The following DEAF1 variants were observed in gnomAD, a reference collection of about 807,000 sequenced individuals.
DEAF1 encodes deformed epidermal autoregulatory factor 1 homolog.
DEAF1 carries 53 observed loss-of-function variants against 58.9 expected under a neutral mutation model. That is an observed-to-expected ratio of 0.90 (90% CI 0.72 to 1.13). The LOEUF is 1.13. Ranked by LOEUF, DEAF1 falls within the 50% of genes most tolerant of loss-of-function variation. The probability of loss-of-function intolerance (pLI) is 0.00; values close to 1 mark genes in which losing one functional copy is unlikely to be tolerated. For missense variants in DEAF1, 685 were observed against 791.4 expected (o/e 0.87, Z 1.61); for synonymous variants, 385 against 340.4 (o/e 1.13, Z -1.44).
chr11:658,790 C>A (rs1859186218), intron 10 of DEAF1, among the ~76,000 whole-genome samples: 1 of 152,256 alleles, frequency 6.6e-6, no homozygotes, highest in African/African-American at 2.4e-5. Flanking sequence ...CCTGGCCTGC[C>A]TTCCCTGCTG....
chr11:657,230 G>A (rs947446248), intron 10 of DEAF1, among the ~76,000 whole-genome samples: 33 of 152,190 alleles, frequency 2.2e-4, no homozygotes, highest in Non-Finnish European at 2.5e-4. Context: ...AAAAGGACCC[G>A]GGGCTCCTTG....
chr11:703,663 G>A, intron 1 of DEAF1: 1 of 1,232,498 alleles, frequency 8.1e-7, no homozygotes, highest in Non-Finnish European at 1.0e-6. Flanking sequence ...CTTGTGCTCT[G>A]AGCAACCCCA....
At position 674,732 on chromosome 11, in the gene DEAF1, G is replaced by A. The variant is rs762639219; in HGVS notation, c.1307C>T (p.Ala436Val). The change falls in exon 10 of 12, where the codon GCG becomes GTG. Residue 436 changes from alanine to valine, a missense_variant. Physicochemically the swap from Ala to Val is moderately conservative, Grantham distance 64. Around this residue, in one of 3 missense-constraint regions of DEAF1, gnomAD observed 343 missense variants for 379.8 expected, o/e 0.90. Transcript: ENST00000382409. The stretch of plus-strand genomic sequence containing the variant: ...CCCATTGACCAACGCGGGAGGTGCC[G>A]CTTTGGTGGGAGTCGGGGGTGGGAC... ...LAVPPPTPTKAAPPALVNGLE... is the reference protein window; with the variant it reads ...LAVPPPTPTKVAPPALVNGLE... The A allele has an allele frequency of 1.6e-5, 26 of 1,613,584 alleles. No homozygotes were observed. The highest frequency in any genetic ancestry group is 1.1e-4 in the African/African-American group (8 of 74,946).
At chr11:702,983 G>C (rs201982541) in intron 1 of DEAF1, 1 of 1,610,480 alleles carries the variant, frequency 6.2e-7, no homozygotes, top group Non-Finnish European at 8.5e-7. Flanking sequence ...GAGGCCGCTG[G>C]CCGCCAGCCT....
chr11:688,037 G>T lies in DEAF1; in HGVS notation c.538C>A (p.Pro180Thr), dbSNP rs754703046. The T allele has an allele frequency of 1.9e-6, 3 of 1,614,022 alleles. No homozygotes were observed. The South Asian group carries it at 3.3e-5, about 18-fold the overall frequency. ...LTPGPQSPPT[P>T]LAPGQEKGGT... ...CCTTTTTCTTGGCCGGGAGCCAGAG[G>T]GGTTGGAGGAGACTGAGGACCTTGG... is the stretch of plus-strand genomic sequence containing the variant. Residue 180 changes from proline (P) to threonine (T), a missense_variant, in exon 4 of 12, where the codon CCT becomes ACT. Around this residue, in one of 3 missense-constraint regions of DEAF1, gnomAD observed 132 missense variants for 234.3 expected, o/e 0.56. Transcript: ENST00000382409. This position sits in a 1 kb window ranked among gnomAD's most constrained non-coding sequence, Gnocchi z 4.3.
In DEAF1 at chr11:674,748, G is replaced by A. The variant is rs767471113; in HGVS notation, c.1291C>T (p.Pro431Ser). ...GGAGGTGCCGCTTTGGTGGGAGTCGGGGGTGGGACCGCCAGCGCAGGCAGG... is the reference window on the plus strand; with the variant it reads ...GGAGGTGCCGCTTTGGTGGGAGTCGAGGGTGGGACCGCCAGCGCAGGCAGG... ...TSLPALAVPP[P>S]TPTKAAPPAL... Residue 431 changes from proline (P) to serine (S), a missense_variant, in exon 10 of 12, where the codon CCG (proline) becomes TCG (serine). This residue lies in a region of DEAF1 where 343 missense variants were observed against 379.8 expected (regional missense o/e 0.90). Transcript: ENST00000382409. 2 of 1,613,388 alleles carry A rather than the reference G, an allele frequency of 1.2e-6. No individual in the cohort carries two copies. Among genetic ancestry groups the A allele is most frequent in the Non-Finnish European group, 1.7e-6 (2 of 1,180,030 alleles).
At chr11:694,661 G>A in intron 1 of DEAF1, 98 bp downstream of exon 1, 1 of 1,144,370 alleles carries the variant, frequency 8.7e-7, no homozygotes, top group Non-Finnish European at 1.1e-6. Flanking sequence ...TGAGGGACAG[G>A]TGTGGCGGGC....
At chr11:658,585 C>T (rs1196172843) in intron 10 of DEAF1, among the ~76,000 whole-genome samples, 2 of 152,404 alleles carry the variant, frequency 1.3e-5, no homozygotes, top group East Asian at 3.9e-4. Context: ...CTGCGGATGG[C>T]ACAAAGGGCA....
intron 10 of DEAF1, chr11:674,118 G>T (rs183441451): frequency 2.4e-4 from 71 of 294,874 alleles, no homozygotes; most frequent in African/African-American, 1.5e-3. Flanking sequence ...GATGGACGGA[G>T]CTCGGCTCCC....
At chr11:646,838 CAAG>C (rs1858520683) in intron 11 of DEAF1, among the ~76,000 whole-genome samples, 1 of 152,038 alleles carries the variant, frequency 6.6e-6, no homozygotes, top group Admixed American at 6.6e-5. Context: ...GTTAAATTCA[CAAG>C]AAGCTAACAA....
At chr11:686,814 CG>C (rs779253443) in intron 5 of DEAF1, 43 bp downstream of exon 5, 1 of 1,612,870 alleles carries the variant, frequency 6.2e-7, no homozygotes, top group South Asian at 1.1e-5. Context: ...GAGGGCCCCA[CG>C]TCTGAACTGT....
At chr11:649,373 G>A (rs547441095) in intron 11 of DEAF1, among the ~76,000 whole-genome samples, 32 of 152,000 alleles carry the variant, frequency 2.1e-4, no homozygotes, top group African/African-American at 7.7e-4. Flanking sequence ...ACTGAGCTGA[G>A]ATTGTGCCAC....
In DEAF1 at chr11:644,427, GT is replaced by G; in HGVS notation, c.*122del. On this transcript the variant is annotated 3_prime_UTR_variant, in exon 12 of 12. Transcript: ENST00000382409. The surrounding 1 kb of genome is among the most constrained non-coding windows in gnomAD (Gnocchi z 4.3). ...AGTGTGTTAATGACTTGTCCAGCAA[GT>G]TTCTTTACCTTCCCACACCCCTCTT... 1 of 767,080 alleles carries G rather than the reference GT, an allele frequency of 1.3e-6. No homozygotes were observed. Among genetic ancestry groups the G allele is most frequent in the South Asian group, 1.5e-5 (1 of 68,462 alleles). The allele number at this position is 767,080 out of a possible 1,614,324, so 47.5% of individuals were successfully genotyped here.
intron 11 of DEAF1, among the ~76,000 whole-genome samples, chr11:650,068 A>G (rs1397464751): frequency 6.6e-6 from 1 of 151,364 alleles, no homozygotes; most frequent in Non-Finnish European, 1.5e-5. Flanking sequence ...AAAAAAGTAG[A>G]TTAAACACTC....
chr11:700,091 GGA>G (rs548903986), upstream of DEAF1: 505 of 1,523,070 alleles, frequency 3.3e-4, 1 homozygote, highest in Non-Finnish European at 4.4e-4. Context: ...CAGCCACCTG[GGA>G]GGCTGCTCCC....
intron 1 of DEAF1, among the ~76,000 whole-genome samples, chr11:691,819 C>T (rs1860847259): frequency 6.6e-6 from 1 of 152,180 alleles, no homozygotes; most frequent in South Asian, 2.1e-4. Flanking sequence ...CTATTCTTCC[C>T]CAGTAAAGCC....
chr11:674,690 G>T lies in DEAF1; in HGVS notation c.1349C>A (p.Pro450Gln). 1 of 1,614,008 alleles carries T rather than the reference G, an allele frequency of 6.2e-7. No homozygotes were observed. Among genetic ancestry groups the T allele is most frequent in the Non-Finnish European group, 8.5e-7 (1 of 1,180,034 alleles). ...CTCTTCTAGGTACAGCCAGCTCCGC[G>T]GCTCTGACAGCTCCAGCCCATTGAC... ...ALVNGLELSE[P>Q]RSWLYLEEMV... Residue 450 changes from proline (P) to glutamine (Q), a missense_variant, in exon 10 of 12, where the codon CCG becomes CAG. This residue lies in a region of DEAF1 where 343 missense variants were observed against 379.8 expected (regional missense o/e 0.90). Transcript: ENST00000382409.
intron 11 of DEAF1, among the ~76,000 whole-genome samples, chr11:645,711 C>T (rs1464663807): frequency 6.6e-6 from 1 of 152,168 alleles, no homozygotes; most frequent in Non-Finnish European, 1.5e-5. Context: ...CTGGGAGAAG[C>T]CACAGCTCCT....
chr11:660,737 C>A (rs1468929903), intron 10 of DEAF1, among the ~76,000 whole-genome samples: 2 of 152,222 alleles, frequency 1.3e-5, no homozygotes, highest in Non-Finnish European at 2.9e-5. Flanking sequence ...TTGGGTCTGG[C>A]CGGGCCTATT....
Sources: allele counts gnomAD v4.1 joint callset (sites outside exome capture counted in the v4.1 genomes callset), GRCh38; gene constraint gnomAD v4.1.1; regional missense constraint gnomAD v4.1.1; non-coding constraint Gnocchi (gnomAD v3.1); transcripts MANE v1.5; gene names NCBI Gene and HGNC (gene_info 2026-07-23, HGNC 2026-07-21).